FARP1: variants seen among roughly 807,000 people sequenced by gnomAD.
FARP1 encodes the protein FERM, ARHGEF and pleckstrin domain-containing protein 1.
Under a neutral mutation model 128.8 loss-of-function variants are expected in FARP1, and 52 were observed. The observed-to-expected ratio is 0.40, with a 90% CI of 0.32 to 0.51. FARP1 has a LOEUF of 0.51. FARP1 is among the 20% of genes least tolerant of loss of function. The pLI is 0.45. For synonymous variants in FARP1, 580 were observed against 551.8 expected (o/e 1.05, Z -0.72); for missense variants, 1,333 against 1,367.9 (o/e 0.97, Z 0.40).
At chr13:98,262,850 C>T (rs986140631) in intron 2 of FARP1, among the ~76,000 whole-genome samples, 2 of 152,086 alleles carry the variant, frequency 1.3e-5, no homozygotes, top group African/African-American at 2.4e-5. Flanking sequence ...GTGGAGGTAT[C>T]GGGCCTGTTT....
chr13:98,391,482 G>A (rs1469560257), intron 11 of FARP1, among the ~76,000 whole-genome samples: 2 of 152,168 alleles, frequency 1.3e-5, no homozygotes, highest in African/African-American at 4.8e-5. Context: ...TGTTGCCAGG[G>A]CTGGTCTCAA....
At chr13:98,420,737 C>G (rs1465841118) in intron 16 of FARP1, among the ~76,000 whole-genome samples, 1 of 152,124 alleles carries the variant, frequency 6.6e-6, no homozygotes, top group African/African-American at 2.4e-5. Context: ...AGACAAGGAC[C>G]CCTTTCTTGT....
intron 1 of FARP1, among the ~76,000 whole-genome samples, chr13:98,162,482 T>C (rs1386715927): frequency 6.6e-6 from 1 of 152,218 alleles, no homozygotes; most frequent in Non-Finnish European, 1.5e-5. Context: ...ATTAAATCTT[T>C]GTTGAAGAAA....
At chr13:98,442,671 G>A (rs796077693) in intron 24 of FARP1, among the ~76,000 whole-genome samples, 5 of 152,356 alleles carry the variant, frequency 3.3e-5, no homozygotes, top group African/African-American at 1.2e-4. Flanking sequence ...TCTCCCAGGG[G>A]ATGGGGATTA....
chr13:98,384,961 G>C (rs578074418), intron 7 of FARP1, 117 bp downstream of exon 7: 1 of 662,836 alleles, frequency 1.5e-6, no homozygotes, highest in Non-Finnish European at 2.7e-6. Flanking sequence ...AACACAAAGC[G>C]TGAGGAAAGA....
At chr13:98,225,608 T>C (rs1431095205) in intron 2 of FARP1, among the ~76,000 whole-genome samples, 1 of 152,236 alleles carries the variant, frequency 6.6e-6, no homozygotes, top group African/African-American at 2.4e-5. Flanking sequence ...TGTGTCTCTT[T>C]TGAAGCTCCT....
chr13:98,143,088 G>T (rs979495044), upstream of FARP1: 3 of 147,872 alleles, frequency 2.0e-5, no homozygotes, highest in African/African-American at 7.3e-5. Context: ...AGGGGCGGTG[G>T]CCACTGCACT....
At chr13:98,196,162 C>T (rs1203490579) in intron 1 of FARP1, among the ~76,000 whole-genome samples, 2 of 152,164 alleles carry the variant, frequency 1.3e-5, no homozygotes, top group Non-Finnish European at 2.9e-5. Context: ...CTTTTGTGCT[C>T]AAACAGGTGA....
chr13:98,223,803 T>C (rs1881576389), intron 2 of FARP1, among the ~76,000 whole-genome samples: 1 of 152,338 alleles, frequency 6.6e-6, no homozygotes, highest in Middle Eastern at 3.4e-3. Context: ...AATTTCCTCA[T>C]CTCCCCAGAA....
At chr13:98,426,614 T>C (rs1891798283) in intron 17 of FARP1, among the ~76,000 whole-genome samples, 1 of 152,242 alleles carries the variant, frequency 6.6e-6, no homozygotes, top group Non-Finnish European at 1.5e-5. Flanking sequence ...CAATCTCTCT[T>C]AACAAAGACC....
At chr13:98,275,614 T>C (rs1884611230) in intron 2 of FARP1, among the ~76,000 whole-genome samples, 1 of 147,816 alleles carries the variant, frequency 6.8e-6, no homozygotes, top group South Asian at 2.2e-4. Flanking sequence ...CCCCCACTTC[T>C]TTTCTCTTTC....
At chr13:98,238,586 T>C (rs1391789937) in intron 2 of FARP1, among the ~76,000 whole-genome samples, 2 of 152,150 alleles carry the variant, frequency 1.3e-5, no homozygotes, top group African/African-American at 4.8e-5. Context: ...TCTTACGTGG[T>C]GGCAGGCAAA....
intron 11 of FARP1, 52 bp downstream of exon 11, chr13:98,390,932 G>A (rs1890282089): frequency 8.0e-7 from 1 of 1,251,962 alleles, no homozygotes; most frequent in South Asian, 1.2e-5. Context: ...AGACTCGCCA[G>A]GTAACAGTTT....
At chr13:98,392,058 T>C (rs1890324343) in intron 11 of FARP1, among the ~76,000 whole-genome samples, 1 of 152,124 alleles carries the variant, frequency 6.6e-6, no homozygotes, top group Admixed American at 6.5e-5. Context: ...TATTTGCAGC[T>C]CTCGTTACAG....
intron 2 of FARP1, among the ~76,000 whole-genome samples, chr13:98,282,072 A>T (rs1440106219): frequency 6.6e-6 from 1 of 152,152 alleles, no homozygotes; most frequent in African/African-American, 2.4e-5. Flanking sequence ...TGGGAGGCCT[A>T]GGTGGGCGGA....
intron 2 of FARP1, among the ~76,000 whole-genome samples, chr13:98,271,615 T>C (rs1470069217): frequency 6.6e-6 from 1 of 152,094 alleles, no homozygotes; most frequent in Non-Finnish European, 1.5e-5. Flanking sequence ...CCTGGGTCCA[T>C]GTGTTCTCAT....
chr13:98,256,987 A>ATATATG (rs1883648376), intron 2 of FARP1, among the ~76,000 whole-genome samples: 5 of 129,928 alleles, frequency 3.8e-5, no homozygotes, highest in Non-Finnish European at 6.4e-5. Flanking sequence ...ATATATATAT[A>ATATATG]TATACCGAAA....
intron 2 of FARP1, among the ~76,000 whole-genome samples, chr13:98,265,566 G>A (rs566707733): frequency 7.3e-5 from 11 of 151,432 alleles, no homozygotes; most frequent in East Asian, 1.9e-4. Context: ...TGATCCGCCC[G>A]CCTTGGCCTC....
chr13:98,404,941 A>G (rs1555292412), intron 13 of FARP1: 1 of 152,210 alleles, frequency 6.6e-6, no homozygotes, highest in Non-Finnish European at 1.5e-5. Context: ...ATAGGAAAAA[A>G]TAATACCTAT....
Sources: gnomAD v4.1 joint callset for allele counts (sites outside exome capture counted in the v4.1 genomes callset) on GRCh38, gnomAD v4.1.1 for gene constraint, MANE v1.5 for transcripts, NCBI Gene and HGNC (gene_info 2026-07-23, HGNC 2026-07-21) for gene names.